DHX36: variants seen among roughly 807,000 people sequenced by gnomAD.
DHX36 encodes the protein DEAH-box helicase 36, also known as ATP-dependent DNA/RNA helicase DHX36.
Under a neutral mutation model 139.0 loss-of-function variants are expected in DHX36, and 50 were observed. The ratio of observed to expected loss-of-function variants is 0.36; its 90% CI spans 0.29 to 0.46. The LOEUF is 0.46. Among genes scored for constraint, DHX36 ranks in the 20% least tolerant of loss-of-function variants. The probability of loss-of-function intolerance (pLI) is 1.00; values close to 1 mark genes in which losing one functional copy is unlikely to be tolerated. For synonymous variants in DHX36, 425 were observed against 401.9 expected (o/e 1.06, Z -0.69); for missense variants, 1,024 against 1,211.3 (o/e 0.85, Z 2.29).
chr3:154,278,952 A>G (rs542375495), intron 22 of DHX36: 59 of 152,208 alleles, frequency 3.9e-4, no homozygotes, highest in African/African-American at 1.3e-3. Flanking sequence ...GAACTTCACA[A>G]ATTTCTTTTT....
At chr3:154,305,015 C>T in intron 7 of DHX36, 43 bp from the exon 8 acceptor site, 1 of 1,595,282 alleles carries the variant, frequency 6.3e-7, no homozygotes, top group South Asian at 1.1e-5. Flanking sequence ...AACCATTTTT[C>T]TTTAACAACT....
chr3:154,287,798 C>G (rs1358097026), intron 17 of DHX36, among the ~76,000 whole-genome samples: 2 of 152,108 alleles, frequency 1.3e-5, no homozygotes, highest in East Asian at 3.9e-4. Context: ...TGCAACCTAA[C>G]AGAAGACACT....
intron 13 of DHX36, 143 bp from the exon 14 acceptor site, chr3:154,293,955 T>C (rs1240887274): frequency 1.6e-5 from 9 of 546,348 alleles, no homozygotes; most frequent in Non-Finnish European, 3.0e-5. Context: ...TATTTATCGA[T>C]GTATTTATGA....
At chr3:154,289,006 A>T in intron 16 of DHX36, 42 bp from the exon 17 acceptor site, 1 of 1,003,896 alleles carries the variant, frequency 1.0e-6, no homozygotes, top group Non-Finnish European at 1.4e-6. Flanking sequence ...ATATAATATT[A>T]ATATATTAGC....
chr3:154,291,697 TAAAGTTTTCTTTC>T (rs1469099304), intron 15 of DHX36, among the ~76,000 whole-genome samples: 1 of 152,322 alleles, frequency 6.6e-6, no homozygotes, highest in East Asian at 1.9e-4. Context: ...AAATGGCCTG[TAAAGTTTTCTTTC>T]AACTCTCCTT....
rs146322733 is a variant in DHX36 at position 154,293,912 on chromosome 3, A to G, written c.1606-100T>C. The G allele has an allele frequency of 9.4e-4, 755 of 806,846 alleles. 3 individuals are homozygous for G. The African/African-American group carries it at 0.011, about 12-fold the overall frequency. 50.0% of individuals were successfully genotyped at this position (806,846 alleles called of 1,614,324 possible). A position where few individuals can be genotyped will look rare whatever the true frequency, so the allele number is the denominator to read the frequency against. ...ACCTCAGATACTGTTCATTTTTAGC[A>G]TTCTATGTTCATTCACTGACATATA... is the stretch of plus-strand genomic sequence containing the variant. On this transcript the variant is annotated intron_variant, in intron 13 of 24. Transcript: ENST00000496811.
chr3:154,279,859 G>GT (rs770295483), intron 22 of DHX36: 1 of 152,092 alleles, frequency 6.6e-6, no homozygotes, highest in Non-Finnish European at 1.5e-5. Context: ...ATGCATTACA[G>GT]TATTATAAAA....
In DHX36 at chr3:154,292,670, A is replaced by G. The variant is rs1399662952; in HGVS notation, c.1695T>C (p.Tyr565=). Residue 565 remains tyrosine (Y), a synonymous_variant, in exon 15 of 25, where the codon TAT becomes TAC. Transcript: ENST00000496811. ...CTTTTATTTTTCCTCCATCTATCACATAAACGACATCATCTATGGTAATGC... is the reference window on the plus strand; with the variant it reads ...CTTTTATTTTTCCTCCATCTATCACGTAAACGACATCATCTATGGTAATGC... The part of the protein sequence containing the change: ...ETSITIDDVV[Y]VIDGGKIKET... 2 of 1,613,754 alleles carry G rather than the reference A, an allele frequency of 1.2e-6. No homozygotes were observed. Among genetic ancestry groups the G allele is most frequent in the Non-Finnish European group, 1.7e-6 (2 of 1,179,992 alleles).
At chr3:154,294,577 C>A (rs1020027623) in intron 13 of DHX36, among the ~76,000 whole-genome samples, 1 of 152,116 alleles carries the variant, frequency 6.6e-6, no homozygotes, top group Admixed American at 6.6e-5. Context: ...TTCTTTCTTG[C>A]CCCCTCTCTT....
intron 10 of DHX36, 71 bp downstream of exon 10, chr3:154,300,916 G>T (rs1421978290): frequency 3.2e-6 from 5 of 1,574,128 alleles, no homozygotes; most frequent in Non-Finnish European, 4.3e-6. Flanking sequence ...GATTCAAGAA[G>T]ATGCCCCCAG....
intron 3 of DHX36, among the ~76,000 whole-genome samples, chr3:154,314,290 T>C (rs1467980596): frequency 6.6e-6 from 1 of 152,220 alleles, no homozygotes; most frequent in Non-Finnish European, 1.5e-5. Context: ...TCAGTAACAG[T>C]CAATGGATCC....
intron 16 of DHX36, 149 bp from the exon 17 acceptor site, chr3:154,289,113 T>C: frequency 2.4e-6 from 1 of 411,462 alleles, no homozygotes; most frequent in Non-Finnish European, 4.4e-6. Flanking sequence ...ATTATATTTG[T>C]ATTTCTATAA....
In DHX36 at chr3:154,305,153, T is replaced by C; in HGVS notation, c.909A>G (p.Lys303=). 1 of 1,612,736 alleles carries C rather than the reference T, an allele frequency of 6.2e-7. No individual in the cohort carries two copies. Among genetic ancestry groups the C allele is most frequent in the Non-Finnish European group, 8.5e-7 (1 of 1,179,662 alleles). ...QIRLQSRLPR[K]QGSILYCTTG... ...TTGTACAGTATAAGATAGAACCCTG[T>C]TTCCTTGGCAACCGACTGTGAATGA... The change falls in exon 7 of 25, where the codon AAA becomes AAG. Residue 303 remains lysine (K), a synonymous_variant. Coordinates refer to ENST00000496811, the MANE Select transcript of DHX36 (RefSeq NM_020865.3).
At chr3:154,306,331 T>A (rs201949370) in intron 5 of DHX36, 36 bp from the exon 6 acceptor site, 3 of 1,549,354 alleles carry the variant, frequency 1.9e-6, no homozygotes, top group East Asian at 4.5e-5. Flanking sequence ...GAATATAATT[T>A]CCTTTAGAAC....
At position 154,304,347 on chromosome 3, in the gene DHX36, G is replaced by A. The variant is rs573439072; in HGVS notation, c.1135+459C>T. ...CTGCTCTGAGGCTGCTTTCTCATCT[G>A]TAAAAATGTGAATGATAATAGCAAC... On this transcript the variant is annotated intron_variant, in intron 8 of 24. Coordinates refer to ENST00000496811, the MANE Select transcript of DHX36 (RefSeq NM_020865.3). Among the ~76,000 whole-genome samples the A allele has an allele frequency of 6.6e-5, 10 of 152,200 alleles. No individual in the cohort carries two copies. In the South Asian group the frequency reaches 1.7e-3, roughly 25 times the overall value.
At chr3:154,277,415 TC>T (rs1359079149) in intron 23 of DHX36, among the ~76,000 whole-genome samples, 182 bp downstream of exon 23, 1 of 151,948 alleles carries the variant, frequency 6.6e-6, no homozygotes, top group Non-Finnish European at 1.5e-5. Context: ...AATACAAAGA[TC>T]CATCATTACA....
At chr3:154,291,832 A>C (rs1711828509) in intron 15 of DHX36, among the ~76,000 whole-genome samples, 1 of 152,236 alleles carries the variant, frequency 6.6e-6, no homozygotes, top group African/African-American at 2.4e-5. Context: ...TCATATGAAT[A>C]AGTGCAGAAA....
intron 23 of DHX36, 77 bp from the exon 24 acceptor site, chr3:154,276,976 G>A (rs1406706133): frequency 2.4e-6 from 3 of 1,230,490 alleles, no homozygotes; most frequent in South Asian, 1.6e-5. Context: ...AATATTACCA[G>A]TATTAATTAA....
At chr3:154,292,741 ACACAC>A in intron 14 of DHX36, 47 bp from the exon 15 acceptor site, 1 of 1,588,500 alleles carries the variant, frequency 6.3e-7, no homozygotes, top group Middle Eastern at 1.7e-4. Context: ...ACACACACAC[ACACAC>A]ACACACACAC....
Sources: gnomAD v4.1 joint callset for allele counts (sites outside exome capture counted in the v4.1 genomes callset) on GRCh38, gnomAD v4.1.1 for gene constraint, MANE v1.5 for transcripts, NCBI Gene and HGNC (gene_info 2026-07-23, HGNC 2026-07-21) for gene names.